FANCM: variants seen among roughly 807,000 people sequenced by gnomAD.
FANCM encodes Fanconi anemia group M protein.
In FANCM, 140 loss-of-function variants were observed where a neutral mutation model predicts 199.5. The ratio of observed to expected loss-of-function variants is 0.70; its 90% CI spans 0.61 to 0.81. FANCM has a LOEUF of 0.81. Ranked by LOEUF, FANCM falls within the 30% of genes least tolerant of loss-of-function variation. The pLI is 0.00. For synonymous variants in FANCM, 840 were observed against 836.8 expected, an observed-to-expected ratio of 1.00 and a Z score of -0.07; for missense variants, 2,410 against 2,421.4, an observed-to-expected ratio of 1.00 and a Z score of 0.10.
chr14:45,161,135 C>T (rs538003418), intron 9 of FANCM, among the ~76,000 whole-genome samples: 2 of 152,260 alleles, frequency 1.3e-5, no homozygotes, highest in Admixed American at 1.3e-4. Context: ...GTCATTATTT[C>T]CTGAGCTTGT....
chr14:45,174,604 A>C (rs1888544808), intron 13 of FANCM, among the ~76,000 whole-genome samples: 1 of 152,204 alleles, frequency 6.6e-6, no homozygotes, highest in Non-Finnish European at 1.5e-5. Flanking sequence ...GATACAACCT[A>C]GCAGACATAC....
chr14:45,200,110 TATTTA>T lies in FANCM; in HGVS notation c.*104_*108del. On this transcript the variant is annotated 3_prime_UTR_variant, in exon 23 of 23. Coordinates refer to ENST00000267430, the MANE Select transcript of FANCM (RefSeq NM_020937.4). ...TTTATTTGTAAATAAGAGAATATTTTATTTAAATATTTTATATTGTATACATTTTT... is the reference window on the plus strand; with the variant it reads ...TTTATTTGTAAATAAGAGAATATTTTAATATTTTATATTGTATACATTTTT... 1 of 539,596 alleles carries T rather than the reference TATTTA, an allele frequency of 1.9e-6. No individual in the cohort carries two copies. Among genetic ancestry groups the T allele is most frequent in the East Asian group, 4.6e-5 (1 of 21,558 alleles). 33.4% of individuals were successfully genotyped at this position (539,596 alleles called of 1,614,324 possible).
Position 45,136,249 on chromosome 14 carries a change from G to T in FANCM, c.218G>T (p.Gly73Val). 1 of 1,614,172 alleles carries T rather than the reference G, an allele frequency of 6.2e-7. No homozygotes were observed. Among genetic ancestry groups the T allele is most frequent in the Non-Finnish European group, 8.5e-7 (1 of 1,180,036 alleles). Residue 73 changes from glycine to valine, a missense_variant, in exon 1 of 23, where the codon GGC becomes GTC. Gly to Val is a moderately radical substitution (Grantham distance 109). Transcript: ENST00000267430. The stretch of plus-strand genomic sequence containing the variant: ...GAGCGGCAGTTGTGTCTAGAGAATG[G>T]CGGGTTCTGCACCTCCGCGGGCGCC... ...EAERQLCLEN[G>V]GFCTSAGALW...
rs376019854 is a variant in FANCM, at chr14:45,136,015, C to T, written c.-17C>T. 6.2e-6 allele frequency: 10 copies of T among 1,612,624 alleles called. No homozygotes were observed. In the African/African-American group the frequency reaches 6.7e-5, roughly 11 times the overall value. On this transcript the variant is annotated 5_prime_UTR_variant, in exon 1 of 23. Transcript: ENST00000267430. ...GCTACGGATATCTGACAGAAGCCTT[C>T]GGTGGTTGTCGGCCTAATGAGCGGA...
rs1367580 is a variant in FANCM at position 45,175,386 on chromosome 14, G to T, written c.2632G>T (p.Val878Leu). The stretch of plus-strand genomic sequence containing the variant: ...AAATAATCACGGTATTATAGATTCT[G>T]TAGATAATGACAGAAATTCCACTGT... Reference protein sequence around the residue: ...KENNHGIIDSVDNDRNSTVEN... With the variant: ...KENNHGIIDSLDNDRNSTVEN... The change falls in exon 14 of 23, where the codon GTA becomes TTA. Residue 878 changes from valine (V) to leucine (L), a missense_variant. Transcript: ENST00000267430. 0.13 allele frequency: 208,903 copies of T among 1,557,268 alleles called. 16,851 individuals are homozygous for T. Among genetic ancestry groups the T allele is most frequent in the African/African-American group, 0.36 (25,742 of 72,250 alleles).
intron 9 of FANCM, among the ~76,000 whole-genome samples, chr14:45,159,991 GT>G (rs920256728): frequency 5.1e-5 from 7 of 138,542 alleles, no homozygotes; most frequent in South Asian, 2.3e-4. Context: ...AGTAGATGAG[GT>G]TTTTTTTTTG....
intron 12 of FANCM, among the ~76,000 whole-genome samples, chr14:45,171,717 G>A (rs1888354645): frequency 6.6e-6 from 1 of 151,716 alleles, no homozygotes; most frequent in Non-Finnish European, 1.5e-5. Context: ...GTGTGTGTGT[G>A]TGTGTGCATG....
Position 45,176,307 on chromosome 14 carries a change from G to T in FANCM, c.3553G>T (p.Asp1185Tyr). Residue 1185 changes from aspartate to tyrosine, a missense_variant, in exon 14 of 23, where the codon GAC (aspartate) becomes TAC (tyrosine). By Grantham distance (160) the Asp-to-Tyr change is radical (BLOSUM62 -3). Coordinates refer to ENST00000267430, the MANE Select transcript of FANCM (RefSeq NM_020937.4). ...CTTAATTTCTGATGAACTTTTGTTG[G>T]ACAATAATTCTGAACTCCAAGATCA... ...QFLISDELLL[D>Y]NNSELQDQIT... The T allele has an allele frequency of 6.2e-7, 1 of 1,613,948 alleles. No homozygotes were observed.
At chr14:45,189,476 A>G in intron 20 of FANCM, 114 bp downstream of exon 20, 4 of 826,688 alleles carry the variant, frequency 4.8e-6, no homozygotes, top group Non-Finnish European at 5.8e-6. Context: ...ATTAACAAAA[A>G]AATTTTGCAG....
chr14:45,184,854 A>G (rs1889293390), intron 17 of FANCM, among the ~76,000 whole-genome samples: 1 of 150,536 alleles, frequency 6.6e-6, no homozygotes, highest in South Asian at 2.1e-4. Context: ...GCTCACTGCA[A>G]CCTTCACCTC....
chr14:45,195,473 G>C (rs1890003170), intron 20 of FANCM: 1 of 446,734 alleles, frequency 2.2e-6, no homozygotes, highest in Admixed American at 2.5e-5. Context: ...AACTGTTTTT[G>C]GGGACAGAGG....
At position 45,136,226 on chromosome 14, in the gene FANCM, G is replaced by A. The variant is rs1885485132; in HGVS notation, c.195G>A (p.Glu65=). 8 of 1,614,200 alleles carry A rather than the reference G, an allele frequency of 5.0e-6. No individual in the cohort carries two copies. Among genetic ancestry groups the A allele is most frequent in the Non-Finnish European group, 6.8e-6 (8 of 1,180,026 alleles). The change falls in exon 1 of 23, where the codon GAG becomes GAA. Residue 65 remains glutamate, a synonymous_variant. Coordinates refer to ENST00000267430, the MANE Select transcript of FANCM (RefSeq NM_020937.4). Reference sequence around the variant, plus strand: ...TGCTTGTCGCGGCGTACGAGGCTGAGCGGCAGTTGTGTCTAGAGAATGGCG... The same window carrying A: ...TGCTTGTCGCGGCGTACGAGGCTGAACGGCAGTTGTGTCTAGAGAATGGCG... The part of the protein sequence containing the change: ...DVLLVAAYEA[E]RQLCLENGGF...
chr14:45,138,843 C>CA (rs1468654997), intron 2 of FANCM, among the ~76,000 whole-genome samples: 1 of 152,116 alleles, frequency 6.6e-6, no homozygotes, highest in African/African-American at 2.4e-5. Flanking sequence ...CCAATAGGTA[C>CA]ACCTGCTCCA....
In FANCM at chr14:45,200,039, CCT is replaced by C; in HGVS notation, c.*35_*36del. On this transcript the variant is annotated 3_prime_UTR_variant, in exon 23 of 23. Coordinates refer to ENST00000267430, the MANE Select transcript of FANCM (RefSeq NM_020937.4). ...CTGCTCAAGATGGGGTTTTCAAAGA[CCT>C]CTCACAATATTAAATGCACTTCAAT... The C allele has an allele frequency of 6.5e-7, 1 of 1,541,792 alleles. No individual in the cohort carries two copies. The highest frequency in any genetic ancestry group is 8.9e-7 in the Non-Finnish European group (1 of 1,119,114).
chr14:45,169,275 AG>A (rs1318785632), intron 11 of FANCM, among the ~76,000 whole-genome samples: 5 of 151,666 alleles, frequency 3.3e-5, no homozygotes, highest in African/African-American at 1.2e-4. Context: ...GAAATCTTAG[AG>A]TCTCTGGATG....
In FANCM at chr14:45,187,770, T is replaced by C. The variant is rs764490448; in HGVS notation, c.4673-11T>C. The C allele has an allele frequency of 6.7e-6, 9 of 1,334,576 alleles. No homozygotes were observed. The highest frequency in any genetic ancestry group is 1.2e-5 in the South Asian group (1 of 84,696). 82.7% of individuals were successfully genotyped at this position (1,334,576 alleles called of 1,614,324 possible). On this transcript the variant is annotated splice_polypyrimidine_tract_variant and intron_variant, in intron 18 of 22. Coordinates refer to ENST00000267430, the MANE Select transcript of FANCM (RefSeq NM_020937.4). ...TTTTGCTAATTTATCTAAATTCTTA[T>C]CTTTACACAGATTCTGAAATGAGAG... is the stretch of plus-strand genomic sequence containing the variant.
At position 45,167,143 on chromosome 14, in the gene FANCM, CTATCTT is replaced by C; in HGVS notation, c.1984_1989del (p.Ile662_Phe663del). 1 of 1,608,582 alleles carries C rather than the reference CTATCTT, an allele frequency of 6.2e-7. No individual in the cohort carries two copies. The highest frequency in any genetic ancestry group is 8.5e-7 in the Non-Finnish European group (1 of 1,174,978). On this transcript the variant is annotated inframe_deletion, in exon 11 of 23. Coordinates refer to ENST00000267430, the MANE Select transcript of FANCM (RefSeq NM_020937.4). ...TCTCGGAACTTGCAGCGAAAGTCAT[CTATCTT>C]TTCCTATAGGGATGGTAAATAAATT...
At chr14:45,140,344 G>A (rs1195325197) in intron 2 of FANCM, among the ~76,000 whole-genome samples, 2 of 152,140 alleles carry the variant, frequency 1.3e-5, no homozygotes, top group Non-Finnish European at 2.9e-5. Context: ...GATTACAAGC[G>A]TGAGCCACTG....
At chr14:45,160,344 A>T (rs1367037020) in intron 9 of FANCM, among the ~76,000 whole-genome samples, 2 of 147,184 alleles carry the variant, frequency 1.4e-5, no homozygotes, top group Non-Finnish European at 3.0e-5. Context: ...TAATTTTGAA[A>T]TGGAGTCTCT....
Sources: gnomAD v4.1 joint callset for allele counts (sites outside exome capture counted in the v4.1 genomes callset) on GRCh38, gnomAD v4.1.1 for gene constraint, MANE v1.5 for transcripts, NCBI Gene and HGNC (gene_info 2026-07-23, HGNC 2026-07-21) for gene names.